The following MAST4 variants were observed in gnomAD, a reference collection of about 807,000 sequenced individuals.
MAST4 encodes the protein microtubule associated serine/threonine kinase family member 4, also known as microtubule-associated serine/threonine-protein kinase 4.
MAST4 carries 89 observed loss-of-function variants against 162.7 expected under a neutral mutation model. The ratio of observed to expected loss-of-function variants is 0.55; its 90% CI spans 0.46 to 0.65. MAST4 has a LOEUF of 0.65. Among genes scored for constraint, MAST4 ranks in the 30% least tolerant of loss-of-function variants. The pLI, the probability that MAST4 is intolerant of heterozygous loss-of-function variation, is 0.00. For synonymous variants in MAST4, 1,479 were observed against 1,361.1 expected (o/e 1.09, Z -1.91); for missense variants, 3,153 against 3,374.0 (o/e 0.93, Z 1.62).
At chr5:66,887,782 C>G (rs1714046102) in intron 3 of MAST4, among the ~76,000 whole-genome samples, 1 of 152,238 alleles carries the variant, frequency 6.6e-6, no homozygotes, top group Non-Finnish European at 1.5e-5. Flanking sequence ...ATGGCAGCCA[C>G]AGCTGTACTA....
chr5:67,080,091 T>C (rs1402216642), intron 5 of MAST4, among the ~76,000 whole-genome samples: 1 of 152,206 alleles, frequency 6.6e-6, no homozygotes, highest in Non-Finnish European at 1.5e-5. Flanking sequence ...ATACGAAGCT[T>C]TGGCTTCATT....
At chr5:66,817,716 G>A (rs1580525855) in intron 3 of MAST4, among the ~76,000 whole-genome samples, 1 of 152,118 alleles carries the variant, frequency 6.6e-6, no homozygotes, top group African/African-American at 2.4e-5. Context: ...AATTGTGAAT[G>A]TTTGATTCTG....
chr5:67,161,088 T>A (rs1020837124), intron 27 of MAST4, among the ~76,000 whole-genome samples: 2 of 152,204 alleles, frequency 1.3e-5, no homozygotes, highest in Non-Finnish European at 2.9e-5. Flanking sequence ...CTTATATACT[T>A]TTGTAGCCTG....
intron 8 of MAST4, among the ~76,000 whole-genome samples, chr5:67,101,488 G>A (rs897613640): frequency 1.3e-5 from 2 of 152,206 alleles, no homozygotes; most frequent in African/African-American, 4.8e-5. Flanking sequence ...CCGGGCAACA[G>A]GTCCTTCTTT....
intron 3 of MAST4, among the ~76,000 whole-genome samples, chr5:66,830,166 T>C (rs997578557): frequency 2.0e-5 from 3 of 152,210 alleles, no homozygotes; most frequent in Non-Finnish European, 4.4e-5. Flanking sequence ...TCTGAATAGT[T>C]CAGATTATTA....
intron 4 of MAST4, among the ~76,000 whole-genome samples, chr5:67,011,723 A>C (rs1016163615): frequency 3.3e-5 from 5 of 152,170 alleles, no homozygotes; most frequent in African/African-American, 1.2e-4. Flanking sequence ...TACCAGATAC[A>C]AAGGATGGAA....
intron 4 of MAST4, among the ~76,000 whole-genome samples, chr5:66,950,232 CT>C (rs200233353): frequency 3.0e-5 from 4 of 131,658 alleles, no homozygotes; most frequent in Admixed American, 1.4e-4. Context: ...CTTTTTTTTT[CT>C]TTTTTTTTCT....
In MAST4 at chr5:67,167,515, T is replaced by C. The variant is rs1774192159; in HGVS notation, c.*464T>C. 6.5e-6 allele frequency: 1 copy of C among 152,756 alleles called. No individual in the cohort carries two copies. The highest frequency in any genetic ancestry group is 2.4e-5 in the African/African-American group (1 of 41,474). The allele number at this position is 152,756 out of a possible 1,614,324, so 9.5% of individuals were successfully genotyped here. On this transcript the variant is annotated 3_prime_UTR_variant, in exon 29 of 29. Coordinates refer to ENST00000403625, the MANE Select transcript of MAST4 (RefSeq NM_001164664.2). Reference sequence around the variant, plus strand: ...GAACAGAGATACACCCATATTCGTGTATATACACATCCACCTACATGTTTT... The same window carrying C: ...GAACAGAGATACACCCATATTCGTGCATATACACATCCACCTACATGTTTT...
chr5:66,785,643 G>A (rs980232665), intron 2 of MAST4, among the ~76,000 whole-genome samples: 1 of 152,132 alleles, frequency 6.6e-6, no homozygotes, highest in Non-Finnish European at 1.5e-5. Context: ...TAAAAAGGAA[G>A]TTTAAGAAAA....
At chr5:66,686,426 C>T (rs1045577522) in intron 1 of MAST4, among the ~76,000 whole-genome samples, 4 of 152,134 alleles carry the variant, frequency 2.6e-5, no homozygotes, top group Non-Finnish European at 5.9e-5. Context: ...AGAGTCCTAA[C>T]AAATTTGCTA....
chr5:66,945,976 G>A (rs1003535689), intron 4 of MAST4, among the ~76,000 whole-genome samples: 10 of 152,144 alleles, frequency 6.6e-5, no homozygotes, highest in African/African-American at 2.4e-4. Flanking sequence ...TTGTGTGTTA[G>A]GTAGAAGGGT....
chr5:67,001,818 A>G (rs900912558), intron 4 of MAST4: 2 of 152,174 alleles, frequency 1.3e-5, no homozygotes, highest in African/African-American at 2.4e-5. Flanking sequence ...CAGCTCTCAG[A>G]AAATCCACTC....
At chr5:66,972,747 C>T (rs114069465) in intron 4 of MAST4, among the ~76,000 whole-genome samples, 1,766 of 152,286 alleles carry the variant, frequency 0.012, 30 homozygotes, top group African/African-American at 0.041. Context: ...ATCCAGCTCT[C>T]AGAGTGATTT....
chr5:67,048,496 A>G (rs1463911917), intron 4 of MAST4, among the ~76,000 whole-genome samples: 1 of 152,224 alleles, frequency 6.6e-6, no homozygotes, highest in African/African-American at 2.4e-5. Context: ...CAGCAGTAAC[A>G]TATTAAAACA....
chr5:66,828,895 T>C, intron 3 of MAST4: 1 of 1,587,560 alleles, frequency 6.3e-7, no homozygotes, highest in Non-Finnish European at 8.6e-7. Flanking sequence ...AGGAGACTGC[T>C]CCATTCTTGA....
chr5:67,072,008 A>G (rs1257812400), intron 5 of MAST4, among the ~76,000 whole-genome samples: 1 of 152,208 alleles, frequency 6.6e-6, no homozygotes, highest in Non-Finnish European at 1.5e-5. Context: ...GGGGGAGGAA[A>G]TAAGAATAAA....
chr5:67,009,196 CTCACATATAA>C (rs60128286), intron 4 of MAST4, among the ~76,000 whole-genome samples: 74,962 of 151,974 alleles, frequency 0.49, 19,762 homozygotes, highest in East Asian at 0.68. Flanking sequence ...GCCATAGGAG[CTCACATATAA>C]GCTCAGTGAG....
chr5:66,746,341 C>T (rs1388585155), intron 1 of MAST4, among the ~76,000 whole-genome samples: 1 of 152,118 alleles, frequency 6.6e-6, no homozygotes, highest in Non-Finnish European at 1.5e-5. Flanking sequence ...CTTTGGGCAC[C>T]TTGCCACAGT....
At chr5:67,026,253 G>A (rs1231219848) in intron 4 of MAST4, among the ~76,000 whole-genome samples, 4 of 152,146 alleles carry the variant, frequency 2.6e-5, no homozygotes, top group Non-Finnish European at 4.4e-5. Flanking sequence ...CACCTTCGAT[G>A]CTACATTTTA....
Sources: gnomAD v4.1 joint callset for allele counts (sites outside exome capture counted in the v4.1 genomes callset) on GRCh38, gnomAD v4.1.1 for gene constraint, MANE v1.5 for transcripts, NCBI Gene and HGNC (gene_info 2026-07-23, HGNC 2026-07-21) for gene names.